The following MFN2 variants were observed in gnomAD, a reference collection of about 807,000 sequenced individuals.
MFN2 encodes mitofusin 2.
MFN2 carries 43 observed loss-of-function variants against 87.5 expected under a neutral mutation model. The ratio of observed to expected loss-of-function variants is 0.49; its 90% CI spans 0.38 to 0.63. MFN2 has a LOEUF of 0.63. MFN2 is among the 30% of genes least tolerant of loss of function. MFN2 has a pLI of 0.00. For missense variants in MFN2, 743 were observed against 972.8 expected (o/e 0.76, Z 3.14); for synonymous variants, 337 against 359.9 (o/e 0.94, Z 0.72).
intron 18 of MFN2, among the ~76,000 whole-genome samples, chr1:12,010,256 G>A (rs1328532020): frequency 6.6e-6 from 1 of 152,250 alleles, no homozygotes; most frequent in Non-Finnish European, 1.5e-5. Context: ...GGCACTTGCA[G>A]TTGAAGGCAT....
chr1:11,992,566 A>C lies in MFN2; in HGVS notation c.187A>C (p.Asn63His), dbSNP rs761216583. ...SATFLEDTYR[N>H]AELDPVTTEE... Reference sequence around the variant, plus strand: ...ATCCCCACCTCCAGACACGTACAGGAATGCAGAACTGGACCCCGTTACCAC... The same window carrying C: ...ATCCCCACCTCCAGACACGTACAGGCATGCAGAACTGGACCCCGTTACCAC... The change falls in exon 4 of 19, where the codon AAT becomes CAT. Residue 63 changes from asparagine to histidine, a missense_variant. Transcript: ENST00000235329. 1.3e-5 allele frequency: 21 copies of C among 1,614,064 alleles called. No individual in the cohort carries two copies. The Admixed American group carries it at 2.0e-4, about 15-fold the overall frequency.
rs1274630445 is a variant in MFN2 at position 11,996,189 on chromosome 1, C to T, written c.345C>T (p.Ala115=). 1 of 1,614,214 alleles carries T rather than the reference C, an allele frequency of 6.2e-7. No homozygotes were observed. The highest frequency in any genetic ancestry group is 1.1e-5 in the South Asian group (1 of 91,086). ...TSNGKSTVIN[A]MLWDKVLPSG... ...ATGGGAAGAGCACCGTGATCAATGC[C>T]ATGCTCTGGGACAAAGTTCTGCCCT... Residue 115 remains alanine (A), a synonymous_variant, in exon 5 of 19, where the codon GCC becomes GCT. Transcript: ENST00000235329.
intron 2 of MFN2, among the ~76,000 whole-genome samples, chr1:11,987,869 T>C (rs1638489823): frequency 6.6e-6 from 1 of 152,116 alleles, no homozygotes; most frequent in South Asian, 2.1e-4. Context: ...GAGGATTGCT[T>C]GGACCCAAGA....
At chr1:11,998,633 G>GC in intron 6 of MFN2, 137 bp from the exon 7 acceptor site, 2 of 801,204 alleles carry the variant, frequency 2.5e-6, no homozygotes, top group South Asian at 2.7e-5. Context: ...GTTAATGAGG[G>GC]CCAGGCCTGA....
Position 12,003,304 on chromosome 1 carries a change from C to A in MFN2, c.1161-688C>A, listed in dbSNP as rs955610961. On this transcript the variant is annotated intron_variant, in intron 11 of 18. Coordinates refer to ENST00000235329, the MANE Select transcript of MFN2 (RefSeq NM_014874.4). The surrounding 1 kb of genome is among the most constrained non-coding windows in gnomAD (Gnocchi z 4.1). Reference sequence around the variant, plus strand: ...ACTGTCCATAGGCCTTCCATTTCATCAGCCCTCACCAGAACTTCAGACCTG... The same window carrying A: ...ACTGTCCATAGGCCTTCCATTTCATAAGCCCTCACCAGAACTTCAGACCTG... Among the ~76,000 whole-genome samples the A allele has an allele frequency of 6.6e-6, 1 of 152,210 alleles. No individual in the cohort carries two copies. The highest frequency in any genetic ancestry group is 1.5e-5 in the Non-Finnish European group (1 of 68,038).
intron 3 of MFN2, among the ~76,000 whole-genome samples, chr1:11,991,949 A>AAAAAAAAAAAG (rs1638701637): frequency 6.9e-6 from 1 of 144,844 alleles, no homozygotes; most frequent in African/African-American, 2.7e-5. Flanking sequence ...AAAAAAAAAA[A>AAAAAAAAAAAG]AAAGAAGTGA....
intron 18 of MFN2, 59 bp from the exon 19 acceptor site, chr1:12,011,437 T>C: frequency 1.3e-6 from 2 of 1,560,154 alleles, no homozygotes; most frequent in Non-Finnish European, 1.8e-6. Flanking sequence ...GCCTGGCGGG[T>C]AGTCCTAATA....
intron 17 of MFN2, 125 bp downstream of exon 17, chr1:12,007,374 G>T: frequency 8.2e-7 from 1 of 1,223,100 alleles, no homozygotes; most frequent in Non-Finnish European, 1.2e-6. Flanking sequence ...TAGACCCTGG[G>T]CCTTCAGGTG....
chr1:11,999,143 A>C (rs1569844522), intron 8 of MFN2, 48 bp downstream of exon 8: 1 of 1,472,644 alleles, frequency 6.8e-7, no homozygotes. Flanking sequence ...CCGAGGGAGC[A>C]CTGCCTGCCA....
At chr1:12,006,901 G>A (rs1264956404) in intron 16 of MFN2, 152 bp from the exon 17 acceptor site, 8 of 1,286,954 alleles carry the variant, frequency 6.2e-6, no homozygotes. Flanking sequence ...TCTGGCCTCG[G>A]TGGGATCAAA....
At chr1:12,007,330 A>C in intron 17 of MFN2, 81 bp downstream of exon 17, 1 of 1,530,216 alleles carries the variant, frequency 6.5e-7, no homozygotes, top group Non-Finnish European at 8.9e-7. Context: ...CTCTCTTCCC[A>C]CGTGGCCTGG....
At chr1:12,010,334 C>T (rs930444330) in intron 18 of MFN2, among the ~76,000 whole-genome samples, 2 of 152,184 alleles carry the variant, frequency 1.3e-5, no homozygotes, top group East Asian at 1.9e-4. Context: ...GCCTACAGCG[C>T]TTAACATGTG....
chr1:12,010,681 A>T (rs1250536934), intron 18 of MFN2, among the ~76,000 whole-genome samples: 1 of 152,106 alleles, frequency 6.6e-6, no homozygotes, highest in East Asian at 1.9e-4. Context: ...CTCTCCAGCC[A>T]CTCATGTTTG....
At chr1:11,989,095 C>A in intron 2 of MFN2, 70 bp from the exon 3 acceptor site, 1 of 1,536,420 alleles carries the variant, frequency 6.5e-7, no homozygotes, top group South Asian at 1.1e-5. Flanking sequence ...CCAAAGCATT[C>A]CGCCATCTCC....
rs2100850292 is a variant in MFN2 at position 12,004,921 on chromosome 1, A to G, written c.1489A>G (p.Met497Val). 2.5e-6 allele frequency: 4 copies of G among 1,607,500 alleles called. No homozygotes were observed. Among genetic ancestry groups the G allele is most frequent in the Non-Finnish European group, 3.4e-6 (4 of 1,176,958 alleles). ...TNSLQTMQQD[M>V]IDGLKPLLPV... ...CTCCCTGCAGACCATGCAGCAGGACATGATAGGTTAGTGCCCATGGGGAAC... is the reference window on the plus strand; with the variant it reads ...CTCCCTGCAGACCATGCAGCAGGACGTGATAGGTTAGTGCCCATGGGGAAC... The change falls in exon 14 of 19, where the codon ATG (methionine) becomes GTG (valine). Residue 497 changes from methionine (M) to valine (V), a missense_variant. This residue lies in a region of MFN2 where 571 missense variants were observed against 670.7 expected (regional missense o/e 0.85). Coordinates refer to ENST00000235329, the MANE Select transcript of MFN2 (RefSeq NM_014874.4). This position sits in a 1 kb window ranked among gnomAD's most constrained non-coding sequence, Gnocchi z 4.2.
chr1:11,984,353 G>C (rs1009526080), intron 2 of MFN2, among the ~76,000 whole-genome samples: 4 of 152,124 alleles, frequency 2.6e-5, no homozygotes, highest in African/African-American at 9.7e-5. Flanking sequence ...CTCCCTGAAG[G>C]CTGGGTGTTC....
rs1371006382 is a variant in MFN2 at position 12,002,076 on chromosome 1, C to G, written c.1133C>G (p.Ser378Cys). ...IAEAVRLIMD[S>C]LHMAAREQQV... ...GAGGCGGTTCGACTCATCATGGACT[C>G]CCTGCACATGGCGGCTCGGGAGCAG... The change falls in exon 11 of 19, where the codon TCC (serine) becomes TGC (cysteine). Residue 378 changes from serine to cysteine, a missense_variant. Physicochemically the swap from Ser to Cys is moderately radical, Grantham distance 112 (BLOSUM62 -1). Transcript: ENST00000235329. The G allele has an allele frequency of 6.2e-7, 1 of 1,614,146 alleles. No individual in the cohort carries two copies. The highest frequency in any genetic ancestry group is 1.7e-5 in the Admixed American group (1 of 60,008).
intron 16 of MFN2, 144 bp downstream of exon 16, chr1:12,006,837 G>C: frequency 7.4e-7 from 1 of 1,344,482 alleles, no homozygotes; most frequent in Non-Finnish European, 1.0e-6. Context: ...CATGGGGAGC[G>C]CTTACTCCCT....
chr1:12,010,492 C>T (rs928347443), intron 18 of MFN2, among the ~76,000 whole-genome samples: 2 of 152,164 alleles, frequency 1.3e-5, no homozygotes, highest in African/African-American at 2.4e-5. Context: ...TCCTTACCTG[C>T]CACTCTTTGG....
Sources: allele counts gnomAD v4.1 joint callset (sites outside exome capture counted in the v4.1 genomes callset), GRCh38; gene constraint gnomAD v4.1.1; regional missense constraint gnomAD v4.1.1; non-coding constraint Gnocchi (gnomAD v3.1); transcripts MANE v1.5; gene names NCBI Gene and HGNC (gene_info 2026-07-23, HGNC 2026-07-21).